The following DMXL2 variants were observed in gnomAD, a reference collection of about 807,000 sequenced individuals.
DMXL2 encodes the protein dmX-like protein 2.
Under a neutral mutation model 331.1 loss-of-function variants are expected in DMXL2, and 103 were observed. The observed-to-expected ratio is 0.31, with a 90% confidence interval of 0.27 to 0.37. The LOEUF (loss-of-function observed/expected upper bound fraction) is 0.37, where lower values mean the gene tolerates loss of function less well. DMXL2 is among the 10% of genes least tolerant of loss of function. The pLI, the probability that DMXL2 is intolerant of heterozygous loss-of-function variation, is 1.00. For synonymous variants in DMXL2, 1,281 were observed against 1,252.1 expected (o/e 1.02, Z -0.49); for missense variants, 3,171 against 3,642.9 (o/e 0.87, Z 3.33).
rs58113467 is a variant in DMXL2 at position 51,605,517 on chromosome 15, C to CTTTTTTTTTTT, written c.87+16931_87+16941dup. On this transcript the variant is annotated intron_variant, in intron 1 of 43. Transcript: ENST00000560891. Reference sequence around the variant, plus strand: ...GGCCCAGCCCATACAGATTAATATTCTTTTTTTTTTTTTTTTTTTTTTTTT... The same window carrying CTTTTTTTTTTT: ...GGCCCAGCCCATACAGATTAATATTCTTTTTTTTTTTTTTTTTTTTTTTTTTTTTTTTTTTT... 1.3e-3 allele frequency among the ~76,000 whole-genome samples: 28 copies of CTTTTTTTTTTT among 22,190 alleles called. 13 individuals carry two copies. Among genetic ancestry groups the CTTTTTTTTTTT allele is most frequent in the Non-Finnish European group, 2.5e-3 (21 of 8,538 alleles). 14.6% of individuals were successfully genotyped at this position (22,190 alleles called of 152,430 possible). A position where few individuals can be genotyped will look rare whatever the true frequency, so the allele number is the denominator to read the frequency against.
chr15:51,462,632 C>T (rs779493035), intron 33 of DMXL2, among the ~76,000 whole-genome samples: 2 of 152,184 alleles, frequency 1.3e-5, no homozygotes, highest in Non-Finnish European at 2.9e-5. Flanking sequence ...CCACCGTGCC[C>T]GGCCATGTTT....
At chr15:51,586,816 TAA>T in intron 1 of DMXL2, among the ~76,000 whole-genome samples, 1 of 152,258 alleles carries the variant, frequency 6.6e-6, no homozygotes, top group South Asian at 2.1e-4. Context: ...TTAACCATTA[TAA>T]AACCAACTCT....
chr15:51,570,273 T>C (rs1466379124), intron 2 of DMXL2, among the ~76,000 whole-genome samples: 4 of 152,000 alleles, frequency 2.6e-5, no homozygotes. Context: ...AACAAATCCT[T>C]CAAGAAATAT....
Position 51,545,582 on chromosome 15 carries a change from C to A in DMXL2, c.930+1G>T. The A allele has an allele frequency of 6.2e-7, 1 of 1,611,774 alleles. No individual in the cohort carries two copies. Among genetic ancestry groups the A allele is most frequent in the Non-Finnish European group, 8.5e-7 (1 of 1,178,640 alleles). On this transcript the variant is annotated splice_donor_variant, in intron 8 of 43. Coordinates refer to ENST00000560891, the MANE Select transcript of DMXL2 (RefSeq NM_001378457.1). LOFTEE classifies it high-confidence loss of function. ...ATTTACCATTTTAAATAATATAATA[C>A]CTCAAGAGCATGCTGTATTCTGTCT...
rs201009112 is a variant in DMXL2, at chr15:51,486,954, TA to T, written c.5218-618del. 4.2e-4 allele frequency among the ~76,000 whole-genome samples: 63 copies of T among 151,406 alleles called. 1 individual carries two copies. The South Asian group carries it at 8.3e-3, about 20-fold the overall frequency. On this transcript the variant is annotated intron_variant, in intron 22 of 43. Transcript: ENST00000560891. ...GAAACTCATATGCCTGGGATAATTG[TA>T]AAAAAAAACCCAACTAATTCTAAAT... is the stretch of plus-strand genomic sequence containing the variant.
At chr15:51,453,748 T>C in intron 40 of DMXL2, 107 bp from the exon 41 acceptor site, 1 of 883,176 alleles carries the variant, frequency 1.1e-6, no homozygotes, top group Non-Finnish European at 1.8e-6. Context: ...GAGCTAAAAA[T>C]AGTTTTTAAA....
intron 1 of DMXL2, among the ~76,000 whole-genome samples, chr15:51,580,082 T>C (rs1360063031): frequency 6.6e-6 from 1 of 152,170 alleles, no homozygotes; most frequent in Non-Finnish European, 1.5e-5. Context: ...ATTTTTGTAA[T>C]CCCAATTAAT....
At chr15:51,607,163 CAA>C (rs540957664) in intron 1 of DMXL2, among the ~76,000 whole-genome samples, 5 of 128,034 alleles carry the variant, frequency 3.9e-5, no homozygotes, top group Admixed American at 8.0e-5. Flanking sequence ...CTGCCCCCAC[CAA>C]AAAAAAAAAG....
intron 15 of DMXL2, among the ~76,000 whole-genome samples, chr15:51,508,188 G>T (rs34929849): frequency 0.16 from 24,533 of 152,032 alleles, 2,648 homozygotes; most frequent in Non-Finnish European, 0.24. Flanking sequence ...GGGGTAGGGG[G>T]CTAGGAAGGG....
At chr15:51,577,291 C>A (rs1189162785) in intron 1 of DMXL2, among the ~76,000 whole-genome samples, 2 of 152,054 alleles carry the variant, frequency 1.3e-5, no homozygotes, top group Non-Finnish European at 2.9e-5. Context: ...GTGACCCATG[C>A]CCTGAAGGGA....
intron 19 of DMXL2, among the ~76,000 whole-genome samples, chr15:51,492,700 T>C (rs1289689575): frequency 6.6e-6 from 1 of 152,150 alleles, no homozygotes; most frequent in Admixed American, 6.5e-5. Flanking sequence ...TAATCAATAA[T>C]GGGAATGCTG....
intron 13 of DMXL2, among the ~76,000 whole-genome samples, chr15:51,525,783 T>C (rs555237946): frequency 1.1e-4 from 17 of 152,086 alleles, no homozygotes; most frequent in Non-Finnish European, 1.2e-4. Flanking sequence ...CACAGTACAA[T>C]AGAACACCAG....
intron 14 of DMXL2, 49 bp downstream of exon 14, chr15:51,517,029 C>T (rs370814178): frequency 1.4e-6 from 2 of 1,425,538 alleles, no homozygotes; most frequent in Non-Finnish European, 2.0e-6. Context: ...ATATAAAACA[C>T]CATGGGATAA....
intron 1 of DMXL2, among the ~76,000 whole-genome samples, chr15:51,588,080 G>A (rs2051997626): frequency 1.3e-5 from 2 of 151,440 alleles, no homozygotes; most frequent in South Asian, 2.1e-4. Context: ...TGCTTTGTCA[G>A]CTGAGTAGGT....
At chr15:51,471,964 A>G (rs1354730573) in intron 28 of DMXL2, among the ~76,000 whole-genome samples, 1 of 152,158 alleles carries the variant, frequency 6.6e-6, no homozygotes, top group Non-Finnish European at 1.5e-5. Context: ...TGTTTTGGGC[A>G]ATTCTCACTA....
At position 51,500,206 on chromosome 15, in the gene DMXL2, A is replaced by G; in HGVS notation, c.3018T>C (p.Tyr1006=). 2 of 1,604,748 alleles carry G rather than the reference A, an allele frequency of 1.2e-6. No individual in the cohort carries two copies. Among genetic ancestry groups the G allele is most frequent in the South Asian group, 2.3e-5 (2 of 88,828 alleles). ...CTAAATAAGGTGCAAGGCACACTGG[A>G]TAAATTGAAGAAGAACTCAGATGGC... ...SAGHLSSSSI[Y]PVCLAPYLVV... is the part of the protein sequence containing the mutation. The change falls in exon 18 of 44, where the codon TAT becomes TAC. Residue 1006 remains tyrosine, a synonymous_variant. Coordinates refer to ENST00000560891, the MANE Select transcript of DMXL2 (RefSeq NM_001378457.1).
intron 19 of DMXL2, among the ~76,000 whole-genome samples, chr15:51,492,438 T>C (rs1262151344): frequency 6.6e-6 from 1 of 152,258 alleles, no homozygotes; most frequent in Non-Finnish European, 1.5e-5. Flanking sequence ...GTTAAAAGTT[T>C]AAAGCTGCCT....
At position 51,491,714 on chromosome 15, in the gene DMXL2, T is replaced by C; in HGVS notation, c.4817A>G (p.His1606Arg). ...AATCAGTTCTTCTTCAGCCTCAGAA[T>C]GAAAAGCCCAGGCAAAATGGCATGT... is the stretch of plus-strand genomic sequence containing the variant. ...VSTCHFAWAF[H>R]SEAEEELINM... Residue 1606 changes from histidine (H) to arginine (R), a missense_variant, in exon 20 of 44, where the codon CAT becomes CGT. Coordinates refer to ENST00000560891, the MANE Select transcript of DMXL2 (RefSeq NM_001378457.1). 6.2e-7 allele frequency: 1 copy of C among 1,610,342 alleles called. No individual in the cohort carries two copies. Among genetic ancestry groups the C allele is most frequent in the Non-Finnish European group, 8.5e-7 (1 of 1,179,028 alleles).
chr15:51,612,032 G>T (rs566185013), intron 1 of DMXL2, among the ~76,000 whole-genome samples: 1 of 152,112 alleles, frequency 6.6e-6, no homozygotes, highest in Admixed American at 6.5e-5. Flanking sequence ...TCTTTCTTTG[G>T]GTCCATGCCA....
Sources: allele counts gnomAD v4.1 joint callset (sites outside exome capture counted in the v4.1 genomes callset), GRCh38; gene constraint gnomAD v4.1.1; transcripts MANE v1.5; gene names NCBI Gene and HGNC (gene_info 2026-07-23, HGNC 2026-07-21).